Variants in LCOR observed in about 807,000 individuals in gnomAD.
LCOR encodes the protein ligand dependent nuclear receptor corepressor, also known as ligand-dependent corepressor.
LCOR carries 14 observed loss-of-function variants against 64.4 expected under a neutral mutation model. That is an observed-to-expected ratio of 0.22 (90% CI 0.14 to 0.34). The LOEUF (loss-of-function observed/expected upper bound fraction) is 0.34. LCOR is among the 10% of genes least tolerant of loss of function. LCOR has a pLI of 1.00. For synonymous variants in LCOR, 643 were observed against 642.5 expected (o/e 1.00, Z -0.01); for missense variants, 1,686 against 1,765.3 (o/e 0.96, Z 0.80).
intron 2 of LCOR, among the ~76,000 whole-genome samples, chr10:96,846,111 G>A (rs1845624777): frequency 6.6e-6 from 1 of 152,070 alleles, no homozygotes; most frequent in Non-Finnish European, 1.5e-5. Flanking sequence ...GGAGGCTGAG[G>A]CAGGAGAATT....
At chr10:96,837,271 T>G (rs990651297) in intron 2 of LCOR, among the ~76,000 whole-genome samples, 1 of 152,128 alleles carries the variant, frequency 6.6e-6, no homozygotes, top group Non-Finnish European at 1.5e-5. Context: ...ATTACAGGCA[T>G]GAGCCACTGC....
In LCOR at chr10:96,949,224, T is replaced by C; in HGVS notation, c.167T>C (p.Leu56Pro). ...ACTCAGAACCCTGTGCTCAGCAAACTTCTCATGGCTGACCAAGACTCACCT... is the reference window on the plus strand; with the variant it reads ...ACTCAGAACCCTGTGCTCAGCAAACCTCTCATGGCTGACCAAGACTCACCT... ...ATTQNPVLSK[L>P]LMADQDSPLD... The change falls in exon 6 of 8, where the codon CTT (leucine) becomes CCT (proline). Residue 56 changes from leucine (L) to proline (P), a missense_variant. Around this residue, in one of 3 missense-constraint regions of LCOR, gnomAD observed 80 missense variants for 107.7 expected, o/e 0.74. Coordinates refer to ENST00000421806, the MANE Select transcript of LCOR (RefSeq NM_001346516.2). 1.9e-6 allele frequency: 3 copies of C among 1,614,058 alleles called. No homozygotes were observed. The East Asian group carries it at 6.7e-5, about 36-fold the overall frequency.
chr10:96,863,724 TG>T (rs1355791557), intron 2 of LCOR, among the ~76,000 whole-genome samples: 1 of 152,256 alleles, frequency 6.6e-6, no homozygotes, highest in East Asian at 1.9e-4. Context: ...GCTCAAATTT[TG>T]CCCAAAGGCT....
intron 2 of LCOR, among the ~76,000 whole-genome samples, chr10:96,885,963 C>G (rs773980849): frequency 2.6e-5 from 4 of 152,000 alleles, no homozygotes; most frequent in African/African-American, 9.7e-5. Flanking sequence ...CTGCAACCTC[C>G]GCCTCCCAGG....
At chr10:96,924,068 A>G (rs1181615416) in intron 4 of LCOR, among the ~76,000 whole-genome samples, 1 of 152,188 alleles carries the variant, frequency 6.6e-6, no homozygotes, top group Non-Finnish European at 1.5e-5. Context: ...CTTTCTCTTC[A>G]TCCTCAAATC....
At chr10:96,853,855 C>T (rs1845759132) in intron 2 of LCOR, among the ~76,000 whole-genome samples, 1 of 152,160 alleles carries the variant, frequency 6.6e-6, no homozygotes, top group Non-Finnish European at 1.5e-5. Flanking sequence ...GAAGGTACCT[C>T]TTCACAGGGC....
chr10:96,833,673 C>G (rs889247838), intron 2 of LCOR, among the ~76,000 whole-genome samples, 194 bp downstream of exon 2: 1 of 152,248 alleles, frequency 6.6e-6, no homozygotes, highest in Admixed American at 6.5e-5. Context: ...GAATTCCAGC[C>G]CCTTCTCCCC....
intron 2 of LCOR, among the ~76,000 whole-genome samples, chr10:96,887,705 C>T (rs561968961): frequency 2.9e-4 from 42 of 147,188 alleles, no homozygotes; most frequent in African/African-American, 9.3e-4. Flanking sequence ...TTAATTGAGA[C>T]GGAGTTTTAC....
At chr10:96,859,502 G>A (rs951888294) in intron 2 of LCOR, among the ~76,000 whole-genome samples, 3 of 151,974 alleles carry the variant, frequency 2.0e-5, no homozygotes, top group Admixed American at 6.6e-5. Context: ...GCGAGCCACC[G>A]CGCCCAGCCT....
intron 4 of LCOR, among the ~76,000 whole-genome samples, chr10:96,926,365 T>C (rs1411615666): frequency 6.6e-6 from 1 of 152,228 alleles, no homozygotes; most frequent in Non-Finnish European, 1.5e-5. Context: ...AACTTAAATG[T>C]ATGCTTGCTT....
intron 7 of LCOR, chr10:96,961,273 G>A (rs1386362013): frequency 2.0e-5 from 3 of 152,022 alleles, no homozygotes; most frequent in African/African-American, 7.2e-5. Flanking sequence ...TAATTTTATG[G>A]TTTCCAGTTC....
intron 4 of LCOR, among the ~76,000 whole-genome samples, chr10:96,918,518 A>G (rs1846993931): frequency 6.6e-6 from 1 of 152,224 alleles, no homozygotes; most frequent in Admixed American, 6.5e-5. Context: ...ACAGCACCAT[A>G]GAAGAATAGG....
chr10:96,920,652 G>GTA (rs1847051031), intron 4 of LCOR, among the ~76,000 whole-genome samples: 4 of 134,464 alleles, frequency 3.0e-5, no homozygotes, highest in Non-Finnish European at 4.6e-5. Flanking sequence ...GTGTATATAT[G>GTA]TGTATATATG....
At chr10:96,918,615 A>G (rs1280366767) in intron 4 of LCOR, among the ~76,000 whole-genome samples, 1 of 152,230 alleles carries the variant, frequency 6.6e-6, no homozygotes, top group Non-Finnish European at 1.5e-5. Flanking sequence ...AGAAATTAAA[A>G]GGAGGGAACA....
chr10:96,981,436 GC>G lies in LCOR; in HGVS notation c.977del (p.Ala326GlufsTer56). On this transcript the variant is annotated frameshift_variant, in exon 8 of 8. Coordinates refer to ENST00000421806, the MANE Select transcript of LCOR (RefSeq NM_001346516.2). LOFTEE classifies it low-confidence loss of function (END_TRUNC). Reference sequence around the variant, plus strand: ...AGAAAGTCTAATTACAGTAAAAATGGCAGCTGAGAATAGTGAGGAAGGCAAT... The same window carrying G: ...AGAAAGTCTAATTACAGTAAAAATGGAGCTGAGAATAGTGAGGAAGGCAAT... The part of the protein sequence containing the change: ...LVESLITVKM[A>X]AENSEEGNTC... 1 of 1,614,170 alleles carries G rather than the reference GC, an allele frequency of 6.2e-7. No homozygotes were observed. The highest frequency in any genetic ancestry group is 8.5e-7 in the Non-Finnish European group (1 of 1,180,020).
chr10:96,896,976 A>G (rs955253997), intron 2 of LCOR, among the ~76,000 whole-genome samples: 1 of 151,868 alleles, frequency 6.6e-6, no homozygotes, highest in Admixed American at 6.6e-5. Context: ...AGAAATTTCC[A>G]TTTTACCTAA....
chr10:96,900,295 C>T (rs573782432), intron 2 of LCOR, among the ~76,000 whole-genome samples: 73 of 152,030 alleles, frequency 4.8e-4, no homozygotes, highest in Non-Finnish European at 9.4e-4. Context: ...TCACAGATTA[C>T]CTCTTAATAT....
At chr10:96,972,502 C>T (rs2134555775) in intron 7 of LCOR, among the ~76,000 whole-genome samples, 1 of 152,244 alleles carries the variant, frequency 6.6e-6, no homozygotes, top group South Asian at 2.1e-4. Context: ...TTCCTGCTCT[C>T]CAAGTAACTT....
chr10:96,835,299 A>T (rs1845423747), intron 2 of LCOR, among the ~76,000 whole-genome samples: 1 of 152,194 alleles, frequency 6.6e-6, no homozygotes, highest in Non-Finnish European at 1.5e-5. Flanking sequence ...GCAAATTTTA[A>T]TCTGGTGATC....
Sources: allele counts gnomAD v4.1 joint callset (sites outside exome capture counted in the v4.1 genomes callset), GRCh38; gene constraint gnomAD v4.1.1; regional missense constraint gnomAD v4.1.1; transcripts MANE v1.5; gene names NCBI Gene and HGNC (gene_info 2026-07-23, HGNC 2026-07-21).